AKAP12: variants seen among roughly 807,000 people sequenced by gnomAD.
The protein encoded by AKAP12 is A-kinase anchor protein 12.
In AKAP12, 32 loss-of-function variants were observed where a neutral mutation model predicts 79.9. The ratio of observed to expected loss-of-function variants is 0.40; its 90% CI spans 0.30 to 0.54. AKAP12 has a LOEUF of 0.54. Ranked by LOEUF, AKAP12 falls within the 20% of genes least tolerant of loss-of-function variation. The probability of loss-of-function intolerance (pLI) is 0.48; values close to 1 mark genes in which losing one functional copy is unlikely to be tolerated. For missense variants in AKAP12, 2,074 were observed against 2,177.0 expected, an observed-to-expected ratio of 0.95 and a Z score of 0.94; for synonymous variants, 808 against 857.0, an observed-to-expected ratio of 0.94 and a Z score of 1.00.
chr6:151,332,682 G>A (rs535417643), intron 3 of AKAP12, among the ~76,000 whole-genome samples: 1 of 152,168 alleles, frequency 6.6e-6, no homozygotes, highest in Non-Finnish European at 1.5e-5. Flanking sequence ...TTTTTCCTGC[G>A]CTTTGAAGTG....
intron 3 of AKAP12, among the ~76,000 whole-genome samples, chr6:151,336,263 A>G (rs222570): frequency 0.5 from 75,960 of 151,998 alleles, 21,971 homozygotes; most frequent in African/African-American, 0.8. Flanking sequence ...AACTGATTTT[A>G]TCTCTCTTGG....
At chr6:151,272,361 A>G (rs1024070159) in intron 2 of AKAP12, among the ~76,000 whole-genome samples, 6 of 136,164 alleles carry the variant, frequency 4.4e-5, no homozygotes, top group African/African-American at 1.4e-4. Flanking sequence ...AAAAAAAAAC[A>G]AAAAAAACAG....
At chr6:151,348,682 C>G in intron 3 of AKAP12, 29 bp from the exon 4 acceptor site, 6 of 198,918 alleles carry the variant, frequency 3.0e-5, no homozygotes, top group South Asian at 1.1e-4. Flanking sequence ...TTCTCTTCTC[C>G]CCACCCCCCC....
intron 3 of AKAP12, chr6:151,323,846 A>G (rs1455728739): frequency 1.7e-5 from 17 of 985,332 alleles, no homozygotes; most frequent in Non-Finnish European, 2.0e-5. Context: ...ACCAGATGAT[A>G]GCCTTGTGTT....
chr6:151,243,729 G>C (rs185015013), intron 2 of AKAP12, among the ~76,000 whole-genome samples: 164 of 152,272 alleles, frequency 1.1e-3, no homozygotes, highest in South Asian at 2.7e-3. Flanking sequence ...TCTGTTATCT[G>C]CCAGGGTTTA....
intron 3 of AKAP12, among the ~76,000 whole-genome samples, chr6:151,326,817 T>C (rs944999998): frequency 1.0e-5 from 1 of 95,714 alleles, no homozygotes; most frequent in African/African-American, 7.7e-5. Flanking sequence ...TTTGTTTGTT[T>C]GTTTTTTGTT....
rs187826387 is a variant in AKAP12, at chr6:151,302,705, G to C, written c.163-3042G>C. Among the ~76,000 whole-genome samples the C allele has an allele frequency of 1.2e-3, 186 of 152,280 alleles. 1 individual carries two copies. Among genetic ancestry groups the C allele is most frequent in the African/African-American group, 4.4e-3 (182 of 41,558 alleles). On this transcript the variant is annotated intron_variant, in intron 2 of 4. Transcript: ENST00000402676. ...TATTGCATTGAAATTGAGGTATTAA[G>C]ATGGCTTTTTTATGTTCCCTGTTTA...
chr6:151,262,445 G>C (rs1040186165), intron 2 of AKAP12, among the ~76,000 whole-genome samples: 1 of 152,152 alleles, frequency 6.6e-6, no homozygotes, highest in African/African-American at 2.4e-5. Context: ...CACACCTTGG[G>C]TGTCCTCTAA....
At chr6:151,248,858 GTA>G (rs1562705452) in intron 2 of AKAP12, among the ~76,000 whole-genome samples, 1 of 151,966 alleles carries the variant, frequency 6.6e-6, no homozygotes, top group Non-Finnish European at 1.5e-5. Flanking sequence ...ATGGTGGTGT[GTA>G]CCTGTAATCC....
At chr6:151,319,193 A>AG (rs1205618481) in intron 3 of AKAP12, among the ~76,000 whole-genome samples, 1 of 152,106 alleles carries the variant, frequency 6.6e-6, no homozygotes, top group Non-Finnish European at 1.5e-5. Context: ...AATTCCTTTG[A>AG]GGAACTATTC....
At chr6:151,328,365 G>A (rs1380247746) in intron 3 of AKAP12, among the ~76,000 whole-genome samples, 1 of 148,178 alleles carries the variant, frequency 6.7e-6, no homozygotes, top group African/African-American at 2.5e-5. Flanking sequence ...GTGGCCGGGC[G>A]CGGCGGCTCA....
Position 151,350,560 on chromosome 6 carries a change from G to A in AKAP12, c.2169G>A (p.Thr723=). Residue 723 remains threonine, a synonymous_variant, in exon 4 of 5, where the codon ACG becomes ACA. Coordinates refer to ENST00000402676, the MANE Select transcript of AKAP12 (RefSeq NM_005100.4). The surrounding 1 kb of genome is among the most constrained non-coding windows in gnomAD (Gnocchi z 4.8). ...ATGAGGCCGGAAAAGACAAAGAGAC[G>A]GGGACAGACGGGATCCTTGCTGGTT... ...KADEAGKDKE[T]GTDGILAGSQ... is the part of the protein sequence containing the mutation. 3.1e-6 allele frequency: 5 copies of A among 1,614,128 alleles called. No homozygotes were observed. Among genetic ancestry groups the A allele is most frequent in the South Asian group, 1.1e-5 (1 of 91,072 alleles).
At chr6:151,272,459 T>C (rs1776204483) in intron 2 of AKAP12, among the ~76,000 whole-genome samples, 1 of 152,016 alleles carries the variant, frequency 6.6e-6, no homozygotes, top group South Asian at 2.1e-4. Context: ...TTTCTGTTTT[T>C]CGTACTCCCT....
rs1280020792 is a variant in AKAP12, at chr6:151,305,796, A to G, written c.212A>G (p.Gln71Arg). The change falls in exon 3 of 5, where the codon CAA becomes CGA. Residue 71 changes from glutamine (Q) to arginine (R), a missense_variant. Transcript: ENST00000402676. ...QLSTINGVAE[Q>R]DELSLQEGDL... ...TCCACCATCAATGGCGTAGCTGAGC[A>G]AGATGAGCTCAGCCTCCAGGAGGGT... 1 of 1,614,092 alleles carries G rather than the reference A, an allele frequency of 6.2e-7. No homozygotes were observed. Among genetic ancestry groups the G allele is most frequent in the Admixed American group, 1.7e-5 (1 of 60,010 alleles).
At chr6:151,261,604 G>T (rs1394821369) in intron 2 of AKAP12, among the ~76,000 whole-genome samples, 1 of 150,896 alleles carries the variant, frequency 6.6e-6, no homozygotes, top group African/African-American at 2.4e-5. Context: ...AGGAGGCTGA[G>T]TCAGGAGAAT....
intron 2 of AKAP12, among the ~76,000 whole-genome samples, chr6:151,293,933 GA>G (rs1404437292): frequency 6.6e-6 from 1 of 151,026 alleles, no homozygotes; most frequent in Admixed American, 6.6e-5. Context: ...TACCTTAGGG[GA>G]AAAAAAGAAT....
chr6:151,347,676 G>A lies in AKAP12; in HGVS notation c.320-1035G>A, dbSNP rs138360509. Reference sequence around the variant, plus strand: ...AATCTATTAAGATTTGCAAATCTCTGTAAGATCTCACTTTATCCTTGAATT... The same window carrying A: ...AATCTATTAAGATTTGCAAATCTCTATAAGATCTCACTTTATCCTTGAATT... On this transcript the variant is annotated intron_variant, in intron 3 of 4. Coordinates refer to ENST00000402676, the MANE Select transcript of AKAP12 (RefSeq NM_005100.4). Among the ~76,000 whole-genome samples the A allele has an allele frequency of 5.0e-4, 76 of 152,330 alleles. 1 individual carries two copies. Among genetic ancestry groups the A allele is most frequent in the African/African-American group, 1.5e-3 (64 of 41,560 alleles).
chr6:151,319,727 TC>T, intron 3 of AKAP12: 1 of 159,314 alleles, frequency 6.3e-6, no homozygotes. Context: ...GTCCCCTTCC[TC>T]CCTCACCACT....
chr6:151,266,287 C>T (rs1776015048), intron 2 of AKAP12, among the ~76,000 whole-genome samples: 1 of 152,134 alleles, frequency 6.6e-6, no homozygotes, highest in Admixed American at 6.6e-5. Flanking sequence ...ATTTTTTGAT[C>T]TTTACTTCAA....
Sources: gnomAD v4.1 joint callset for allele counts (sites outside exome capture counted in the v4.1 genomes callset) on GRCh38, gnomAD v4.1.1 for gene constraint, Gnocchi (gnomAD v3.1) non-coding constraint, MANE v1.5 for transcripts, NCBI Gene and HGNC (gene_info 2026-07-23, HGNC 2026-07-21) for gene names.